ERC2: variants seen among roughly 807,000 people sequenced by gnomAD.
The protein encoded by ERC2 is ERC protein 2.
In ERC2, 42 loss-of-function variants were observed where a neutral mutation model predicts 114.8. The observed-to-expected ratio is 0.37, with a 90% CI of 0.29 to 0.47. The LOEUF is 0.47. Ranked by LOEUF, ERC2 falls within the 20% of genes least tolerant of loss-of-function variation. The probability of loss-of-function intolerance (pLI) is 0.99; values close to 1 mark genes in which losing one functional copy is unlikely to be tolerated. For synonymous variants in ERC2, 454 were observed against 425.5 expected, an observed-to-expected ratio of 1.07 and a Z score of -0.82; for missense variants, 939 against 1,150.7, an observed-to-expected ratio of 0.82 and a Z score of 2.66.
At chr3:55,559,525 A>T (rs2055858679) in intron 17 of ERC2, among the ~76,000 whole-genome samples, 1 of 152,222 alleles carries the variant, frequency 6.6e-6, no homozygotes, top group Non-Finnish European at 1.5e-5. Context: ...CAAATTAGTG[A>T]CATCAGACAA....
At chr3:55,883,889 A>AAAC (rs57990581) in intron 14 of ERC2, among the ~76,000 whole-genome samples, 24,286 of 131,908 alleles carry the variant, frequency 0.18, 2,392 homozygotes, top group African/African-American at 0.32. Flanking sequence ...CTCCGTCTCA[A>AAAC]AACAACAACA....
intron 17 of ERC2, among the ~76,000 whole-genome samples, chr3:55,599,719 T>C (rs1314613709): frequency 6.6e-6 from 1 of 152,234 alleles, no homozygotes; most frequent in Non-Finnish European, 1.5e-5. Flanking sequence ...AGTTGGAATA[T>C]TCATGCTCAA....
At chr3:56,107,439 TCA>T (rs1419333193) in intron 6 of ERC2, among the ~76,000 whole-genome samples, 1 of 152,028 alleles carries the variant, frequency 6.6e-6, no homozygotes, top group African/African-American at 2.4e-5. Flanking sequence ...GGTCCCAGTC[TCA>T]GTTTTCCCAG....
At position 55,520,553 on chromosome 3, in the gene ERC2, T is replaced by C. The variant is rs184919785; in HGVS notation, c.*40-9277A>G. Among the ~76,000 whole-genome samples the C allele has an allele frequency of 5.9e-5, 9 of 152,294 alleles. No homozygotes were observed. The East Asian group carries it at 1.7e-3, about 29-fold the overall frequency. On this transcript the variant is annotated intron_variant, in intron 17 of 17. Coordinates refer to ENST00000288221, the MANE Select transcript of ERC2 (RefSeq NM_015576.3). ...TACTGTGGAACACATCTTGGTTTTG[T>C]GTGGCCTAAAGTTCGTACCATTTTA... is the stretch of plus-strand genomic sequence containing the variant.
chr3:56,271,234 C>A (rs967557067), intron 3 of ERC2, among the ~76,000 whole-genome samples: 2 of 152,116 alleles, frequency 1.3e-5, no homozygotes, highest in Non-Finnish European at 2.9e-5. Flanking sequence ...ATTTCCCCAG[C>A]CTTAATGAAA....
intron 17 of ERC2, among the ~76,000 whole-genome samples, chr3:55,610,270 A>G (rs2058846816): frequency 6.6e-6 from 1 of 151,938 alleles, no homozygotes; most frequent in African/African-American, 2.4e-5. Flanking sequence ...ATAACCAGGG[A>G]TGGGGGCCAA....
intron 4 of ERC2, among the ~76,000 whole-genome samples, chr3:56,156,749 C>A (rs896691931): frequency 6.6e-6 from 1 of 152,108 alleles, no homozygotes; most frequent in East Asian, 1.9e-4. Flanking sequence ...TTTCCATGTG[C>A]CTGTAACACA....
intron 17 of ERC2, among the ~76,000 whole-genome samples, chr3:55,541,200 C>G (rs753579224): frequency 1.3e-4 from 20 of 152,186 alleles, no homozygotes; most frequent in Admixed American, 3.9e-4. Context: ...ACCTCCCAGA[C>G]CACCATCTGT....
intron 3 of ERC2, among the ~76,000 whole-genome samples, chr3:56,211,947 C>T (rs1466959027): frequency 2.6e-5 from 4 of 152,212 alleles, no homozygotes; most frequent in South Asian, 4.1e-4. Context: ...ATACAAAAAT[C>T]GACTCAAGAT....
At chr3:55,612,260 A>G (rs568408605) in intron 17 of ERC2, among the ~76,000 whole-genome samples, 3 of 152,350 alleles carry the variant, frequency 2.0e-5, no homozygotes, top group African/African-American at 7.2e-5. Flanking sequence ...TATCCCAAAA[A>G]GGTGGCTCCA....
chr3:55,719,793 C>T (rs2064343639), intron 15 of ERC2, among the ~76,000 whole-genome samples: 1 of 152,072 alleles, frequency 6.6e-6, no homozygotes, highest in Non-Finnish European at 1.5e-5. Context: ...TTCCTGGAAG[C>T]CAAACCACAT....
intron 14 of ERC2, among the ~76,000 whole-genome samples, chr3:55,798,493 GCAGCTGAGGCAGGATAAT>G (rs960532383): frequency 3.3e-5 from 5 of 152,010 alleles, no homozygotes; most frequent in African/African-American, 1.2e-4. Flanking sequence ...AGCTACTCGG[GCAGCTGAGGCAGGATAAT>G]CACTTGAACT....
At chr3:56,220,366 C>T (rs1180143607) in intron 3 of ERC2, among the ~76,000 whole-genome samples, 2 of 152,148 alleles carry the variant, frequency 1.3e-5, no homozygotes, top group Non-Finnish European at 2.9e-5. Context: ...ACGCTGCCTA[C>T]AATATGGGTC....
At chr3:56,433,587 T>C (rs1176045552) in intron 2 of ERC2, among the ~76,000 whole-genome samples, 1 of 152,218 alleles carries the variant, frequency 6.6e-6, no homozygotes, top group Non-Finnish European at 1.5e-5. Context: ...AGAAGTGCTA[T>C]GGGCTCAGTC....
chr3:56,362,031 T>G (rs1576596688), intron 2 of ERC2, among the ~76,000 whole-genome samples: 1 of 152,180 alleles, frequency 6.6e-6, no homozygotes. Context: ...TTCCCATTGA[T>G]GGAGGCAGAG....
intron 2 of ERC2, among the ~76,000 whole-genome samples, chr3:56,355,250 A>T (rs576806813): frequency 6.6e-6 from 1 of 152,070 alleles, no homozygotes; most frequent in Non-Finnish European, 1.5e-5. Context: ...AGAACACACT[A>T]TAATTCTAAG....
intron 12 of ERC2, among the ~76,000 whole-genome samples, chr3:55,972,387 C>T (rs1480927280): frequency 1.3e-5 from 2 of 152,156 alleles, no homozygotes; most frequent in Non-Finnish European, 2.9e-5. Context: ...TTTTAAGCCC[C>T]ACATGCATTA....
chr3:55,656,252 CCTCAG>C (rs1426787264), intron 17 of ERC2, among the ~76,000 whole-genome samples: 6 of 152,194 alleles, frequency 3.9e-5, no homozygotes, highest in Admixed American at 3.9e-4. Context: ...GATCTTCCTG[CCTCAG>C]CCTTCTGAGT....
At chr3:56,235,734 T>A (rs771362180) in intron 3 of ERC2, among the ~76,000 whole-genome samples, 16 of 152,240 alleles carry the variant, frequency 1.1e-4, no homozygotes, top group Non-Finnish European at 1.9e-4. Context: ...AAATTTTACA[T>A]AATTAAATGT....
Sources: allele counts gnomAD v4.1 joint callset (sites outside exome capture counted in the v4.1 genomes callset), GRCh38; gene constraint gnomAD v4.1.1; transcripts MANE v1.5; gene names NCBI Gene and HGNC (gene_info 2026-07-23, HGNC 2026-07-21).